Variants in ADRA1D observed in about 807,000 individuals in gnomAD.
ADRA1D encodes the protein alpha-1D adrenergic receptor.
A neutral mutation model predicts 18.6 loss-of-function variants in ADRA1D; 22 were observed. The observed-to-expected ratio is 1.19, with a 90% confidence interval of 0.85 to 1.69. The LOEUF (loss-of-function observed/expected upper bound fraction) is 1.69. Ranked by LOEUF, ADRA1D falls within the 40% of genes most tolerant of loss-of-function variation. The probability of loss-of-function intolerance (pLI) is 0.00; values close to 1 mark genes in which losing one functional copy is unlikely to be tolerated. For missense variants in ADRA1D, 840 were observed against 840.7 expected, an observed-to-expected ratio of 1.00 and a Z score of 0.01; for synonymous variants, 376 against 388.2, an observed-to-expected ratio of 0.97 and a Z score of 0.37.
In ADRA1D at chr20:4,247,966, C is replaced by T. The variant is rs1194996837; in HGVS notation, c.992G>A (p.Ser331Asn). Reference protein sequence around the residue: ...MRSAKGHTFRSSLSVRLLKFS... With the variant: ...MRSAKGHTFRNSLSVRLLKFS... ...CTTGAGCAGGCGCACGGAGAGCGAG[C>T]TGCGGAAGGTGTGGCCCTTGGCGCT... Residue 331 changes from serine to asparagine, a missense_variant, in exon 1 of 2, where the codon AGC (serine) becomes AAC (asparagine). Physicochemically the swap from Ser to Asn is conservative, Grantham distance 46. Transcript: ENST00000379453. The T allele has an allele frequency of 1.3e-6, 2 of 1,587,754 alleles. No individual in the cohort carries two copies. The highest frequency in any genetic ancestry group is 1.3e-5 in the African/African-American group (1 of 74,112).
chr20:4,222,132 T>C lies in ADRA1D; in HGVS notation c.1112-2A>G, dbSNP rs746650572. On this transcript the variant is annotated splice_acceptor_variant, in intron 1 of 1. Coordinates refer to ENST00000379453, the MANE Select transcript of ADRA1D (RefSeq NM_000678.4). LOFTEE classifies it high-confidence loss of function. The surrounding 1 kb of genome is among the most constrained non-coding windows in gnomAD (Gnocchi z 4.3). Reference sequence around the variant, plus strand: ...GCTTCAGCTGCGGGAACAAGGAGCCTGTAGGGAGCAGAGACCGATACTATT... The same window carrying C: ...GCTTCAGCTGCGGGAACAAGGAGCCCGTAGGGAGCAGAGACCGATACTATT... 3 of 1,611,796 alleles carry C rather than the reference T, an allele frequency of 1.9e-6. No individual in the cohort carries two copies. The Admixed American group carries it at 5.0e-5, about 27-fold the overall frequency.
At chr20:4,227,470 C>A (rs954503911) in intron 1 of ADRA1D, among the ~76,000 whole-genome samples, 3 of 152,076 alleles carry the variant, frequency 2.0e-5, no homozygotes, top group Admixed American at 2.0e-4. Context: ...TAAGCTCTTC[C>A]TACCACTTGG....
At position 4,221,886 on chromosome 20, in the gene ADRA1D, A is replaced by G; in HGVS notation, c.1356T>C (p.Ser452=). Residue 452 remains serine, a synonymous_variant, in exon 2 of 2, where the codon AGT becomes AGC. Coordinates refer to ENST00000379453, the MANE Select transcript of ADRA1D (RefSeq NM_000678.4). ...TSGLRQDCAP[S]SGDAPPGAPL... is the part of the protein sequence containing the mutation. ...GCGCTCCGGGGGGCGCGTCGCCCGA[A>G]CTCGGGGCGCAGTCCTGGCGCAGGC... 6.7e-7 allele frequency: 1 copy of G among 1,483,884 alleles called. No homozygotes were observed. Among genetic ancestry groups the G allele is most frequent in the Non-Finnish European group, 8.9e-7 (1 of 1,124,182 alleles). 91.9% of individuals were successfully genotyped at this position (1,483,884 alleles called of 1,614,324 possible).
intron 1 of ADRA1D, among the ~76,000 whole-genome samples, chr20:4,237,738 A>G (rs1028738629): frequency 4.7e-5 from 7 of 148,326 alleles, no homozygotes; most frequent in African/African-American, 1.8e-4. Flanking sequence ...GGCTCACTGC[A>G]CTGCAACCTC....
rs374579151 is a variant in ADRA1D, at chr20:4,236,079, T to G, written c.1111+11768A>C. ...TCGGTGGGATGGAAAGCTGAAAACA[T>G]GGCTTCCAACTATGGCCCTTAACCC... On this transcript the variant is annotated intron_variant, in intron 1 of 1. Transcript: ENST00000379453. 3.3e-5 allele frequency among the ~76,000 whole-genome samples: 5 copies of G among 152,230 alleles called. No homozygotes were observed. In the East Asian group the frequency reaches 5.8e-4, roughly 18 times the overall value.
intron 1 of ADRA1D, among the ~76,000 whole-genome samples, chr20:4,228,857 T>A (rs1980883020): frequency 1.3e-5 from 2 of 152,222 alleles, no homozygotes; most frequent in Admixed American, 1.3e-4. Flanking sequence ...GCTGCCCCTT[T>A]GCTGGCTCCC....
In ADRA1D at chr20:4,229,366, G is replaced by A. The variant is rs534598982; in HGVS notation, c.1112-7236C>T. ...AATAAACAGGATAAACAAGGAAAATGTAAAGGTATCAAAGAGTAAAGGTAT... is the reference window on the plus strand; with the variant it reads ...AATAAACAGGATAAACAAGGAAAATATAAAGGTATCAAAGAGTAAAGGTAT... On this transcript the variant is annotated intron_variant, in intron 1 of 1. Transcript: ENST00000379453. Among the ~76,000 whole-genome samples, 16 of 152,190 alleles carry A rather than the reference G, an allele frequency of 1.1e-4. 1 individual carries two copies. The South Asian group carries it at 3.3e-3, about 32-fold the overall frequency.
chr20:4,244,453 C>T (rs1036219091), intron 1 of ADRA1D, among the ~76,000 whole-genome samples: 6 of 152,142 alleles, frequency 3.9e-5, no homozygotes, highest in African/African-American at 1.4e-4. Context: ...CTGAGATCCT[C>T]TTTTCTCTCT....
chr20:4,227,645 CCTTT>C (rs1385333956), intron 1 of ADRA1D, among the ~76,000 whole-genome samples: 1 of 148,154 alleles, frequency 6.7e-6, no homozygotes, highest in African/African-American at 2.5e-5. Flanking sequence ...ACCTGCAGTG[CCTTT>C]CTTTCCTTCC....
chr20:4,225,428 C>CTTTTTT lies in ADRA1D; in HGVS notation c.1112-3304_1112-3299dup, dbSNP rs11474446. ...GTAGCTATTACTTTTTTTTTTCTTT[C>CTTTTTT]TTTTTTTTTTTTTTTTGAGACAGGG... On this transcript the variant is annotated intron_variant, in intron 1 of 1. Transcript: ENST00000379453. 6.2e-4 allele frequency among the ~76,000 whole-genome samples: 74 copies of CTTTTTT among 119,508 alleles called. 4 individuals are homozygous for CTTTTTT. The highest frequency in any genetic ancestry group is 7.8e-4 in the Non-Finnish European group (47 of 60,492). 78.4% of individuals were successfully genotyped at this position (119,508 alleles called of 152,430 possible).
In ADRA1D at chr20:4,248,736, G is replaced by C. The variant is rs770757171; in HGVS notation, c.222C>G (p.Ser74Arg). Residue 74 changes from serine (S) to arginine (R), a missense_variant, in exon 1 of 2, where the codon AGC becomes AGG. Transcript: ENST00000379453. ...DNRSSAGEPG[S>R]AGAGGDVNGT... ...CATTCACGTCGCCGCCCGCGCCCGC[G>C]CTCCCCGGCTCCCCCGCGGAGCTCC... 15 of 1,533,510 alleles carry C rather than the reference G, an allele frequency of 9.8e-6. No homozygotes were observed. Among genetic ancestry groups the C allele is most frequent in the African/African-American group, 6.9e-5 (5 of 72,188 alleles). 95.0% of individuals were successfully genotyped at this position (1,533,510 alleles called of 1,614,324 possible). A position where few individuals can be genotyped will look rare whatever the true frequency, so the allele number is the denominator to read the frequency against.
At chr20:4,234,203 C>T (rs560502839) in intron 1 of ADRA1D, among the ~76,000 whole-genome samples, 1 of 152,250 alleles carries the variant, frequency 6.6e-6, no homozygotes, top group African/African-American at 2.4e-5. Flanking sequence ...ATGGCCAGGC[C>T]TGCAGGAGCT....
chr20:4,232,694 A>C (rs1217731479), intron 1 of ADRA1D, among the ~76,000 whole-genome samples: 1 of 152,194 alleles, frequency 6.6e-6, no homozygotes, highest in East Asian at 1.9e-4. Context: ...AGGGGTCCCC[A>C]GGTGCTGTGT....
Position 4,220,816 on chromosome 20 carries a change from C to T in ADRA1D, c.*707G>A, listed in dbSNP as rs182005365. 19 of 152,592 alleles carry T rather than the reference C, an allele frequency of 1.2e-4. No homozygotes were observed. The highest frequency in any genetic ancestry group is 1.2e-3 in the Admixed American group (19 of 15,282). The allele number at this position is 152,592 out of a possible 1,614,324, so 9.5% of individuals were successfully genotyped here. On this transcript the variant is annotated 3_prime_UTR_variant, in exon 2 of 2. Transcript: ENST00000379453. ...ACAAATAAAGCTCTCCAATTGGTGG[C>T]TTGGAATCCCAGCAAGAAGTGATGG...
intron 1 of ADRA1D, among the ~76,000 whole-genome samples, chr20:4,236,423 G>A (rs1431803655): frequency 1.3e-5 from 2 of 152,208 alleles, no homozygotes; most frequent in East Asian, 1.9e-4. Flanking sequence ...GGAGGTTGGA[G>A]TGTCTGAGTG....
At chr20:4,237,471 A>G (rs1217663725) in intron 1 of ADRA1D, among the ~76,000 whole-genome samples, 3 of 151,142 alleles carry the variant, frequency 2.0e-5, no homozygotes, top group Non-Finnish European at 4.4e-5. Context: ...AAAAAAAAAA[A>G]AAAGAAAGAA....
chr20:4,228,842 C>T (rs991144993), intron 1 of ADRA1D, among the ~76,000 whole-genome samples: 1 of 152,234 alleles, frequency 6.6e-6, no homozygotes, highest in Non-Finnish European at 1.5e-5. Context: ...GCCTTGGTTA[C>T]AGCTGCTGCC....
chr20:4,244,183 C>A (rs551008072), intron 1 of ADRA1D, among the ~76,000 whole-genome samples: 5 of 152,204 alleles, frequency 3.3e-5, no homozygotes, highest in Non-Finnish European at 7.4e-5. Context: ...GCTTTGTGTG[C>A]GGAAGTGTGA....
At chr20:4,237,147 C>A (rs1203790089) in intron 1 of ADRA1D, among the ~76,000 whole-genome samples, 1 of 151,582 alleles carries the variant, frequency 6.6e-6, no homozygotes, top group East Asian at 1.9e-4. Flanking sequence ...GAAGGAGCAG[C>A]CAGAGGACCA....
Sources: gnomAD v4.1 joint callset for allele counts (sites outside exome capture counted in the v4.1 genomes callset) on GRCh38, gnomAD v4.1.1 for gene constraint, Gnocchi (gnomAD v3.1) non-coding constraint, MANE v1.5 for transcripts, NCBI Gene and HGNC (gene_info 2026-07-23, HGNC 2026-07-21) for gene names.